Variants in PEAK1 observed in about 807,000 individuals in gnomAD.
PEAK1 encodes inactive tyrosine-protein kinase PEAK1.
PEAK1 carries 54 observed loss-of-function variants against 124.7 expected under a neutral mutation model. The observed-to-expected ratio is 0.43, with a 90% CI of 0.35 to 0.54. The LOEUF is 0.54. Ranked by LOEUF, PEAK1 falls within the 20% of genes least tolerant of loss-of-function variation. PEAK1 has a pLI of 0.01. For missense variants in PEAK1, 2,046 were observed against 2,134.5 expected (o/e 0.96, Z 0.82); for synonymous variants, 719 against 760.0 (o/e 0.95, Z 0.89).
Position 77,394,388 on chromosome 15 carries a change from T to C in PEAK1, c.-666+25618A>G, listed in dbSNP as rs553464067. Among the ~76,000 whole-genome samples, 38 of 152,280 alleles carry C rather than the reference T, an allele frequency of 2.5e-4. No individual in the cohort carries two copies. In the East Asian group the frequency reaches 7.3e-3, roughly 29 times the overall value. ...GTCCCAGTAATGGTGGCCACAGAAG[T>C]GCTTGTGTCACCCTCCTCCACTTCC... is the stretch of plus-strand genomic sequence containing the variant. On this transcript the variant is annotated intron_variant, in intron 1 of 9. Coordinates refer to ENST00000682557, the MANE Select transcript of PEAK1 (RefSeq NM_001385026.1).
At chr15:77,402,169 A>AG in intron 1 of PEAK1, 1 of 418,950 alleles carries the variant, frequency 2.4e-6, no homozygotes, top group Non-Finnish European at 2.6e-6. Flanking sequence ...TCCACCTCGG[A>AG]AAAAAAAAAA....
chr15:77,228,730 G>C (rs1007050693), intron 6 of PEAK1, among the ~76,000 whole-genome samples: 1 of 151,960 alleles, frequency 6.6e-6, no homozygotes, highest in Non-Finnish European at 1.5e-5. Context: ...GACTACTTTG[G>C]TATGAAGACA....
chr15:77,205,669 T>C (rs1308589079), intron 6 of PEAK1, among the ~76,000 whole-genome samples: 1 of 152,140 alleles, frequency 6.6e-6, no homozygotes, highest in East Asian at 1.9e-4. Flanking sequence ...TTTGAGTATA[T>C]AGTGTATATG....
chr15:77,120,560 T>A (rs1191087344), intron 9 of PEAK1, among the ~76,000 whole-genome samples: 1 of 152,202 alleles, frequency 6.6e-6, no homozygotes, highest in Non-Finnish European at 1.5e-5. Context: ...TAAATAACTT[T>A]CAAATTATCC....
intron 6 of PEAK1, among the ~76,000 whole-genome samples, chr15:77,197,233 A>C (rs947126968): frequency 5.3e-5 from 8 of 152,268 alleles, no homozygotes; most frequent in African/African-American, 1.9e-4. Context: ...TAAAATGAGA[A>C]TATCACCCAA....
chr15:77,121,044 ATTTT>A (rs1566992257), intron 9 of PEAK1, among the ~76,000 whole-genome samples: 1 of 152,098 alleles, frequency 6.6e-6, no homozygotes, highest in Non-Finnish European at 1.5e-5. Context: ...CAGTTATCAC[ATTTT>A]TTATCTTTAA....
At chr15:77,337,226 G>C (rs1403608723) in intron 2 of PEAK1, 1 of 983,752 alleles carries the variant, frequency 1.0e-6, no homozygotes, top group East Asian at 1.1e-4. Flanking sequence ...GCCAAGACAA[G>C]ATAATACAGA....
At chr15:77,234,263 A>G (rs985945975) in intron 6 of PEAK1, among the ~76,000 whole-genome samples, 1 of 152,178 alleles carries the variant, frequency 6.6e-6, no homozygotes, top group Non-Finnish European at 1.5e-5. Context: ...TAAATTACCA[A>G]TATCGATTAA....
intron 2 of PEAK1, among the ~76,000 whole-genome samples, chr15:77,306,138 C>T (rs2152996460): frequency 6.6e-6 from 1 of 152,246 alleles, no homozygotes; most frequent in South Asian, 2.1e-4. Flanking sequence ...GTTTTGCTCT[C>T]CTTGTAATGG....
intron 1 of PEAK1, among the ~76,000 whole-genome samples, chr15:77,374,093 T>C (rs1483099490): frequency 1.3e-5 from 2 of 152,178 alleles, no homozygotes; most frequent in African/African-American, 4.8e-5. Context: ...AAAAGCAAAG[T>C]TTCTATAAAG....
chr15:77,231,506 G>A (rs2059908634), intron 6 of PEAK1, among the ~76,000 whole-genome samples: 1 of 152,144 alleles, frequency 6.6e-6, no homozygotes, highest in East Asian at 1.9e-4. Context: ...TGCACTTGCA[G>A]AATTAGGTAT....
intron 1 of PEAK1, chr15:77,419,225 G>A (rs1025276734): frequency 6.5e-5 from 64 of 985,210 alleles, no homozygotes; most frequent in Non-Finnish European, 7.0e-5. Flanking sequence ...GTCTCTCCCG[G>A]TGCTCTCAGC....
chr15:77,337,477 T>G, intron 2 of PEAK1: 1 of 983,336 alleles, frequency 1.0e-6, no homozygotes, highest in African/African-American at 1.7e-5. Context: ...ATCCAGAGAT[T>G]AATCTGAATT....
intron 2 of PEAK1, chr15:77,348,807 G>C: frequency 1.3e-6 from 1 of 796,092 alleles, no homozygotes. Flanking sequence ...GTGGGGGAGG[G>C]GGCGGGCAGG....
At chr15:77,138,062 C>T (rs2053480699) in intron 8 of PEAK1, among the ~76,000 whole-genome samples, 1 of 152,174 alleles carries the variant, frequency 6.6e-6, no homozygotes, top group African/African-American at 2.4e-5. Context: ...ATGTGACTTG[C>T]TCCTCCTTGC....
At chr15:77,417,701 C>T in intron 1 of PEAK1, 9 of 985,394 alleles carry the variant, frequency 9.1e-6, no homozygotes, top group Non-Finnish European at 1.1e-5. Context: ...GGGCCCAGCA[C>T]CCGTTCCACT....
intron 2 of PEAK1, chr15:77,347,516 C>T (rs1006930897): frequency 1.8e-5 from 18 of 985,156 alleles, no homozygotes; most frequent in Non-Finnish European, 2.0e-5. Context: ...TAATAGGAAC[C>T]GTTAAAGCAC....
At chr15:77,403,132 C>A in intron 1 of PEAK1, 1 of 985,248 alleles carries the variant, frequency 1.0e-6, no homozygotes, top group Non-Finnish European at 1.2e-6. Flanking sequence ...GTTACTAGAA[C>A]CATATTACAG....
chr15:77,407,722 A>C (rs919487033), intron 1 of PEAK1, among the ~76,000 whole-genome samples: 13 of 152,104 alleles, frequency 8.5e-5, no homozygotes, highest in African/African-American at 3.1e-4. Flanking sequence ...CTAAAAGTAG[A>C]TTTACCATTT....
Sources: gnomAD v4.1 joint callset for allele counts (sites outside exome capture counted in the v4.1 genomes callset) on GRCh38, gnomAD v4.1.1 for gene constraint, MANE v1.5 for transcripts, NCBI Gene and HGNC (gene_info 2026-07-23, HGNC 2026-07-21) for gene names.